Variants in STK38 observed in about 807,000 individuals in gnomAD.
STK38 encodes the protein serine/threonine kinase 38.
A neutral mutation model predicts 59.0 loss-of-function variants in STK38; 26 were observed. The ratio of observed to expected loss-of-function variants is 0.44; its 90% CI spans 0.32 to 0.61. The LOEUF is 0.61. STK38 is among the 20% of genes least tolerant of loss of function. STK38 has a pLI of 0.04. For missense variants in STK38, 433 were observed against 566.0 expected, an observed-to-expected ratio of 0.76 and a Z score of 2.38; for synonymous variants, 175 against 176.6, an observed-to-expected ratio of 0.99 and a Z score of 0.07.
chr6:36,508,524 T>C (rs1204409104), intron 7 of STK38, among the ~76,000 whole-genome samples: 1 of 152,252 alleles, frequency 6.6e-6, no homozygotes, highest in Non-Finnish European at 1.5e-5. Flanking sequence ...AGTAAACTGT[T>C]TCAAAGACAA....
At chr6:36,538,722 T>C (rs1451295589) in intron 2 of STK38, among the ~76,000 whole-genome samples, 7 of 151,770 alleles carry the variant, frequency 4.6e-5, no homozygotes, top group Non-Finnish European at 1.0e-4. Flanking sequence ...TGAAACCCTG[T>C]CTCTACTAAA....
At chr6:36,539,380 G>T (rs565570286) in intron 2 of STK38, among the ~76,000 whole-genome samples, 313 of 137,714 alleles carry the variant, frequency 2.3e-3, no homozygotes, top group African/African-American at 7.6e-3. Context: ...AGTGAGATTC[G>T]ATCTCAAAAA....
chr6:36,525,695 T>C (rs1777494492), intron 2 of STK38, 53 bp from the exon 3 acceptor site: 1 of 1,467,510 alleles, frequency 6.8e-7, no homozygotes, highest in Non-Finnish European at 9.5e-7. Context: ...GATAACTTTC[T>C]GAAAATTCTG....
chr6:36,537,693 T>C (rs1777829114), intron 2 of STK38, among the ~76,000 whole-genome samples: 2 of 151,606 alleles, frequency 1.3e-5, no homozygotes. Context: ...AACCCCGGAG[T>C]TCGAGACCAG....
At chr6:36,540,702 C>A (rs768529538) in intron 1 of STK38, among the ~76,000 whole-genome samples, 13 of 150,056 alleles carry the variant, frequency 8.7e-5, no homozygotes, top group African/African-American at 1.5e-4. Flanking sequence ...TCTTGGCTCA[C>A]CGCAACCTCC....
intron 8 of STK38, 79 bp downstream of exon 8, chr6:36,507,421 G>T: frequency 1.7e-6 from 2 of 1,158,060 alleles, no homozygotes; most frequent in Non-Finnish European, 2.6e-6. Flanking sequence ...TCTCCTATCT[G>T]TTCTAATTTG....
chr6:36,503,247 A>G (rs1776881838), intron 9 of STK38, among the ~76,000 whole-genome samples: 2 of 152,164 alleles, frequency 1.3e-5, no homozygotes, highest in African/African-American at 2.4e-5. Flanking sequence ...CCTTAAAGTA[A>G]TAAAATAAAC....
At chr6:36,544,856 C>A (rs1197468627) in intron 1 of STK38, among the ~76,000 whole-genome samples, 1 of 152,062 alleles carries the variant, frequency 6.6e-6, no homozygotes. Flanking sequence ...TGGGACAGAG[C>A]AAGACTCTGT....
chr6:36,523,694 T>C (rs963676511), intron 4 of STK38, among the ~76,000 whole-genome samples: 5 of 152,212 alleles, frequency 3.3e-5, no homozygotes, highest in Non-Finnish European at 7.3e-5. Flanking sequence ...CCCCAACAGA[T>C]TGCTCTTGTG....
intron 9 of STK38, among the ~76,000 whole-genome samples, chr6:36,504,747 T>C (rs377643761): frequency 3.3e-5 from 5 of 152,050 alleles, no homozygotes; most frequent in East Asian, 3.9e-4. Flanking sequence ...TATAGAACTA[T>C]AGAAATGGTT....
At chr6:36,545,289 GAAAAAAAA>G (rs58104312) in intron 1 of STK38, among the ~76,000 whole-genome samples, 136 of 60,522 alleles carry the variant, frequency 2.2e-3, no homozygotes, top group Non-Finnish European at 3.4e-3. Flanking sequence ...ACTCCGTCTG[GAAAAAAAA>G]AAAAAAAAAA....
chr6:36,544,305 T>G lies in STK38; in HGVS notation c.-6+2885A>C, dbSNP rs573180078. Among the ~76,000 whole-genome samples, 12 of 152,146 alleles carry G rather than the reference T, an allele frequency of 7.9e-5. No individual in the cohort carries two copies. The East Asian group carries it at 2.3e-3, about 29-fold the overall frequency. ...TAATACCAAAGCAAACTCAAATGTT[T>G]TAGAGTATCACTAAAGGAATTAAAA... On this transcript the variant is annotated intron_variant, in intron 1 of 13. Coordinates refer to ENST00000229812, the MANE Select transcript of STK38 (RefSeq NM_007271.4).
chr6:36,527,208 ATATATG>A (rs1273529364), intron 2 of STK38, among the ~76,000 whole-genome samples: 3 of 84,732 alleles, frequency 3.5e-5, no homozygotes, highest in Admixed American at 2.7e-4. Flanking sequence ...AAAAAAAAAA[ATATATG>A]TATATATATA....
At chr6:36,521,614 G>A (rs988635526) in intron 5 of STK38, 120 bp downstream of exon 5, 2 of 598,394 alleles carry the variant, frequency 3.3e-6, no homozygotes, top group African/African-American at 3.9e-5. Flanking sequence ...TATATATATA[G>A]TCATACATGA....
chr6:36,524,426 G>A lies in STK38; in HGVS notation c.221C>T (p.Thr74Ile). 6.2e-7 allele frequency: 1 copy of A among 1,612,436 alleles called. No individual in the cohort carries two copies. Among genetic ancestry groups the A allele is most frequent in the Non-Finnish European group, 8.5e-7 (1 of 1,179,462 alleles). The part of the protein sequence containing the change: ...LRRSAHARKE[T>I]EFLRLKRTRL... Reference sequence around the variant, plus strand: ...TGTTCTCTTCAAACGAAGAAACTCTGTTTCCTTCCGAGCATGTGCTGATCT... The same window carrying A: ...TGTTCTCTTCAAACGAAGAAACTCTATTTCCTTCCGAGCATGTGCTGATCT... The change falls in exon 4 of 14, where the codon ACA (threonine) becomes ATA (isoleucine). Residue 74 changes from threonine (T) to isoleucine (I), a missense_variant. By Grantham distance (89) the Thr-to-Ile change is moderately conservative (BLOSUM62 -1). Coordinates refer to ENST00000229812, the MANE Select transcript of STK38 (RefSeq NM_007271.4).
chr6:36,500,433 C>T (rs759252540), intron 9 of STK38, among the ~76,000 whole-genome samples: 77 of 151,938 alleles, frequency 5.1e-4, no homozygotes, highest in African/African-American at 1.4e-3. Context: ...TGCCTGAGAC[C>T]GCAGAACTAG....
chr6:36,524,545 C>G, intron 3 of STK38, 82 bp from the exon 4 acceptor site: 2 of 1,440,588 alleles, frequency 1.4e-6, no homozygotes. Flanking sequence ...TGTGACTTAC[C>G]CAGCTAGAAA....
At chr6:36,497,228 T>C (rs1235518234) in intron 12 of STK38, among the ~76,000 whole-genome samples, 1 of 152,184 alleles carries the variant, frequency 6.6e-6, no homozygotes, top group African/African-American at 2.4e-5. Flanking sequence ...CAGTACACAA[T>C]TATAAAATAA....
intron 7 of STK38, among the ~76,000 whole-genome samples, chr6:36,510,031 C>T (rs1168954275): frequency 6.6e-6 from 1 of 152,202 alleles, no homozygotes; most frequent in South Asian, 2.1e-4. Flanking sequence ...TACTCTGGGC[C>T]ACAGACTCCA....
Sources: allele counts gnomAD v4.1 joint callset (sites outside exome capture counted in the v4.1 genomes callset), GRCh38; gene constraint gnomAD v4.1.1; transcripts MANE v1.5; gene names NCBI Gene and HGNC (gene_info 2026-07-23, HGNC 2026-07-21).